THEMIS: variants seen among roughly 807,000 people sequenced by gnomAD.
THEMIS encodes the protein protein THEMIS.
Under a neutral mutation model 52.6 loss-of-function variants are expected in THEMIS, and 37 were observed. The ratio of observed to expected loss-of-function variants is 0.70; its 90% confidence interval spans 0.54 to 0.93. The LOEUF is 0.93. THEMIS is among the 40% of genes least tolerant of loss of function. The pLI, the probability that THEMIS is intolerant of heterozygous loss-of-function variation, is 0.00. For missense variants in THEMIS, 808 were observed against 763.1 expected, an observed-to-expected ratio of 1.06 and a Z score of -0.69; for synonymous variants, 292 against 272.7, an observed-to-expected ratio of 1.07 and a Z score of -0.70.
chr6:127,713,376 C>A (rs900327812), intron 5 of THEMIS, among the ~76,000 whole-genome samples: 11 of 151,778 alleles, frequency 7.2e-5, no homozygotes, highest in African/African-American at 2.4e-4. Context: ...CATAATCTGT[C>A]AAGCACAAGA....
the THEMIS span, among the ~76,000 whole-genome samples, chr6:127,698,404 G>T: frequency 2.0e-5 from 3 of 152,034 alleles, no homozygotes; most frequent in Non-Finnish European, 4.4e-5. Flanking sequence ...TCAAGGCCAG[G>T]TTTGCTGTCT....
At chr6:127,865,106 G>A (rs1178311000) in intron 1 of THEMIS, among the ~76,000 whole-genome samples, 27 of 152,104 alleles carry the variant, frequency 1.8e-4, no homozygotes, top group Admixed American at 1.7e-3. Flanking sequence ...GGCATGGAGT[G>A]CACACACAAC....
intron 1 of THEMIS, among the ~76,000 whole-genome samples, chr6:127,883,959 A>G (rs1351898790): frequency 6.6e-6 from 1 of 152,150 alleles, no homozygotes; most frequent in African/African-American, 2.4e-5. Context: ...CCAAATTTAT[A>G]TAAAAAAAGA....
intron 4 of THEMIS, among the ~76,000 whole-genome samples, chr6:127,787,878 G>T (rs56239540): frequency 0.38 from 34,214 of 89,808 alleles, 4,141 homozygotes; most frequent in East Asian, 0.49. Context: ...TAGATAGATA[G>T]ATATAGATAG....
At chr6:127,818,925 C>G (rs1160183555) in intron 3 of THEMIS, among the ~76,000 whole-genome samples, 2 of 151,700 alleles carry the variant, frequency 1.3e-5, no homozygotes, top group Non-Finnish European at 2.9e-5. Flanking sequence ...CGAGACCATC[C>G]TGGCTAACAT....
chr6:127,831,960 T>C (rs1027312353), intron 2 of THEMIS, among the ~76,000 whole-genome samples: 2 of 152,122 alleles, frequency 1.3e-5, no homozygotes, highest in African/African-American at 4.8e-5. Context: ...CATTTGTCTG[T>C]GTGTGAAGAT....
In THEMIS at chr6:127,819,118, T is replaced by TAAAAAAAAAAAAAAAAAA. The variant is rs142123167; in HGVS notation, c.710-5205_710-5188dup. On this transcript the variant is annotated intron_variant, in intron 3 of 5. Coordinates refer to ENST00000368248, the MANE Select transcript of THEMIS (RefSeq NM_001010923.3). ...CTGGGTGAAAGAGTGAGACTCTGTC[T>TAAAAAAAAAAAAAAAAAA]AAAAAAAAAAAAAAAAAAAAAAAAA... Among the ~76,000 whole-genome samples, 8 of 19,480 alleles carry TAAAAAAAAAAAAAAAAAA rather than the reference T, an allele frequency of 4.1e-4. 1 individual carries two copies. The highest frequency in any genetic ancestry group is 6.3e-4 in the Non-Finnish European group (7 of 11,084). 12.8% of individuals were successfully genotyped at this position (19,480 alleles called of 152,430 possible).
At chr6:127,711,055 C>T (rs1217752181) in intron 5 of THEMIS, among the ~76,000 whole-genome samples, 1 of 148,932 alleles carries the variant, frequency 6.7e-6, no homozygotes, top group African/African-American at 2.5e-5. Flanking sequence ...CACTTTCCCT[C>T]ACTTTCTTCT....
At chr6:127,900,808 G>A (rs376641354) in intron 1 of THEMIS, 34 bp downstream of exon 1, 38 of 1,568,796 alleles carry the variant, frequency 2.4e-5, no homozygotes, top group Non-Finnish European at 3.2e-5. Context: ...TTACAAGAAT[G>A]TTCTAGCCAG....
intron 2 of THEMIS, among the ~76,000 whole-genome samples, chr6:127,845,053 TAA>T (rs397885879): frequency 5.6e-5 from 8 of 141,962 alleles, no homozygotes; most frequent in African/African-American, 7.7e-5. Flanking sequence ...CAAATTTTAG[TAA>T]AAAAAAAAAA....
intron 4 of THEMIS, among the ~76,000 whole-genome samples, chr6:127,787,870 G>GAT (rs781284802): frequency 6.7e-4 from 64 of 95,476 alleles, no homozygotes; most frequent in East Asian, 3.3e-3. Context: ...TAGATAGATA[G>GAT]ATAGATAGAT....
At position 127,758,816 on chromosome 6, in the gene THEMIS, G is replaced by C. The variant is rs1029623786; in HGVS notation, c.1759-38993C>G. Among the ~76,000 whole-genome samples the C allele has an allele frequency of 2.6e-5, 4 of 152,168 alleles. No homozygotes were observed. The East Asian group carries it at 7.7e-4, about 29-fold the overall frequency. On this transcript the variant is annotated intron_variant, in intron 4 of 5. Coordinates refer to ENST00000368248, the MANE Select transcript of THEMIS (RefSeq NM_001010923.3). Reference sequence around the variant, plus strand: ...TGGATCATTTTGTGAAAAAGAAACTGTTTCTTTGTTGGGCAAGTAACACAA... The same window carrying C: ...TGGATCATTTTGTGAAAAAGAAACTCTTTCTTTGTTGGGCAAGTAACACAA...
intron 2 of THEMIS, among the ~76,000 whole-genome samples, chr6:127,841,775 CT>C (rs1311622517): frequency 1.3e-5 from 2 of 151,786 alleles, no homozygotes; most frequent in African/African-American, 4.8e-5. Flanking sequence ...GCCTGAATTT[CT>C]TTTGCATGCT....
At chr6:127,721,399 T>C (rs758185341) in intron 4 of THEMIS, among the ~76,000 whole-genome samples, 3 of 152,110 alleles carry the variant, frequency 2.0e-5, no homozygotes, top group Non-Finnish European at 4.4e-5. Flanking sequence ...GGATGTGGTG[T>C]GAGAATACAA....
At chr6:127,834,976 GTGAGTAATAGACCTACGA>G (rs1778827273) in intron 2 of THEMIS, among the ~76,000 whole-genome samples, 1 of 152,170 alleles carries the variant, frequency 6.6e-6, no homozygotes, top group South Asian at 2.1e-4. Context: ...GGCAGCGAGA[GTGAGTAATAGACCTACGA>G]TGAGGAGAGA....
At chr6:127,858,853 G>T (rs1779704145) in intron 1 of THEMIS, among the ~76,000 whole-genome samples, 1 of 152,110 alleles carries the variant, frequency 6.6e-6, no homozygotes, top group African/African-American at 2.4e-5. Flanking sequence ...CTGGAACAAA[G>T]CAGCCTGTTT....
intron 1 of THEMIS, among the ~76,000 whole-genome samples, chr6:127,872,683 T>C (rs897687560): frequency 2.0e-5 from 3 of 152,140 alleles, no homozygotes; most frequent in Admixed American, 6.6e-5. Flanking sequence ...GATAAAATTA[T>C]ACTTGGTGGT....
chr6:127,788,899 T>C (rs1419645353), intron 4 of THEMIS, among the ~76,000 whole-genome samples: 1 of 152,148 alleles, frequency 6.6e-6, no homozygotes, highest in African/African-American at 2.4e-5. Flanking sequence ...GTGAAATTTA[T>C]AGGACTAAAT....
intron 4 of THEMIS, among the ~76,000 whole-genome samples, chr6:127,790,962 C>A (rs973926569): frequency 4.6e-5 from 7 of 152,164 alleles, no homozygotes; most frequent in Admixed American, 4.6e-4. Context: ...CCACAGAACC[C>A]CAAAAAGGGC....
Sources: allele counts gnomAD v4.1 joint callset (sites outside exome capture counted in the v4.1 genomes callset), GRCh38; gene constraint gnomAD v4.1.1; transcripts MANE v1.5; gene names NCBI Gene and HGNC (gene_info 2026-07-23, HGNC 2026-07-21).